OPHN1: variants seen among roughly 807,000 people sequenced by gnomAD.
OPHN1 encodes oligophrenin-1.
In OPHN1, 11 loss-of-function variants were observed where a neutral mutation model predicts 60.7. That is an observed-to-expected ratio of 0.18 (90% CI 0.11 to 0.30). The LOEUF (loss-of-function observed/expected upper bound fraction) is 0.30, where lower values mean the gene tolerates loss of function less well. OPHN1 is among the 10% of genes least tolerant of loss of function. OPHN1 has a pLI of 1.00. For missense variants in OPHN1, 449 were observed against 611.0 expected (o/e 0.73, Z 2.80); for synonymous variants, 226 against 222.6 (o/e 1.02, Z -0.14).
intron 5 of OPHN1, among the ~76,000 whole-genome samples, chrX:68,239,051 A>C (rs190166066): frequency 9.9e-5 from 11 of 111,277 alleles, no homozygotes; most frequent in African/African-American, 3.3e-4. Context: ...TGAATGATGG[A>C]AATAGCTCTC....
chrX:68,194,138 A>G (rs2077500923), intron 13 of OPHN1, among the ~76,000 whole-genome samples, 186 bp from the exon 14 acceptor site: 2 of 112,351 alleles, frequency 1.8e-5, no homozygotes, highest in African/African-American at 6.5e-5. Context: ...CTTATAACAC[A>G]AAATACTTAT....
intron 15 of OPHN1, among the ~76,000 whole-genome samples, chrX:68,186,209 A>G (rs1179087160): frequency 9.0e-6 from 1 of 111,510 alleles, no homozygotes; most frequent in Non-Finnish European, 1.9e-5. Context: ...TCACTGTTAC[A>G]TCCCTACCAC....
intron 19 of OPHN1, among the ~76,000 whole-genome samples, chrX:68,093,918 T>G (rs926544520): frequency 5.4e-5 from 6 of 111,138 alleles, no homozygotes; most frequent in African/African-American, 2.0e-4. Context: ...TTAATTTTGA[T>G]GAAGTCAATT....
intron 5 of OPHN1, among the ~76,000 whole-genome samples, chrX:68,262,743 C>T (rs898020829): frequency 4.5e-5 from 5 of 111,602 alleles, no homozygotes; most frequent in African/African-American, 6.5e-5. Context: ...GCTGAGATCA[C>T]GTCATTGCAC....
Position 68,045,992 on chromosome X carries a change from A to C in OPHN1, c.*1180T>G, listed in dbSNP as rs1275128096. 9.0e-6 allele frequency: 1 copy of C among 111,583 alleles called. No homozygotes were observed. The highest frequency in any genetic ancestry group is 1.9e-5 in the Non-Finnish European group (1 of 53,138). The allele number at this position is 111,583 out of a possible 1,213,427, so 9.2% of individuals were successfully genotyped here. A position where few individuals can be genotyped will look rare whatever the true frequency, so the allele number is the denominator to read the frequency against. ...TGGAAACTGGGCAGTTGTTAGACTA[A>C]ATGATTTTGAAAAGCCCTTCCAATC... is the stretch of plus-strand genomic sequence containing the variant. On this transcript the variant is annotated 3_prime_UTR_variant, in exon 25 of 25. Transcript: ENST00000355520.
chrX:68,385,372 T>C (rs2078619238), intron 2 of OPHN1, among the ~76,000 whole-genome samples: 1 of 111,767 alleles, frequency 8.9e-6, no homozygotes, highest in Non-Finnish European at 1.9e-5. Context: ...AATGAAGAAC[T>C]ATCCTGTCCA....
chrX:68,125,580 G>T (rs186319325), intron 15 of OPHN1, among the ~76,000 whole-genome samples: 1 of 109,872 alleles, frequency 9.1e-6, no homozygotes, highest in African/African-American at 3.3e-5. Flanking sequence ...TGGAAAACTA[G>T]AAGAAATTGA....
chrX:68,145,726 A>AT (rs746594755), intron 15 of OPHN1, among the ~76,000 whole-genome samples: 26 of 111,922 alleles, frequency 2.3e-4, no homozygotes, highest in Non-Finnish European at 4.7e-4. Context: ...CCATAAATGC[A>AT]TTTTTTAGCA....
intron 4 of OPHN1, among the ~76,000 whole-genome samples, chrX:68,275,296 G>A (rs112781259): frequency 1.7e-4 from 19 of 111,824 alleles, no homozygotes; most frequent in Middle Eastern, 4.6e-3. Flanking sequence ...TTACAGCATC[G>A]CAGAAAACAC....
rs1450359309 is a variant in OPHN1, at chrX:68,128,576, G to C, written c.1277-9244C>G. Reference sequence around the variant, plus strand: ...AATAAAAGTATTACACACACAAAAAGACTTCCGTAAATGAAAAACAAAATT... The same window carrying C: ...AATAAAAGTATTACACACACAAAAACACTTCCGTAAATGAAAAACAAAATT... On this transcript the variant is annotated intron_variant, in intron 15 of 24. Transcript: ENST00000355520. Among the ~76,000 whole-genome samples the C allele has an allele frequency of 4.5e-5, 5 of 111,498 alleles. No homozygotes were observed. In the East Asian group the frequency reaches 1.4e-3, roughly 31 times the overall value.
intron 2 of OPHN1, among the ~76,000 whole-genome samples, chrX:68,307,871 C>T (rs1326155540): frequency 9.0e-6 from 1 of 111,717 alleles, no homozygotes; most frequent in African/African-American, 3.3e-5. Flanking sequence ...AATTCTAAAG[C>T]AGATTACACA....
chrX:68,173,299 C>T (rs5965510), intron 15 of OPHN1, among the ~76,000 whole-genome samples: 38,299 of 110,224 alleles, frequency 0.35, 5,465 homozygotes, highest in African/African-American at 0.52. Context: ...CATTATTTCA[C>T]CTGTTTTTGT....
chrX:68,116,077 T>C (rs2077126059), intron 16 of OPHN1, among the ~76,000 whole-genome samples: 1 of 111,898 alleles, frequency 8.9e-6, no homozygotes, highest in African/African-American at 3.3e-5. Flanking sequence ...GAAAGGAATG[T>C]TCAGGTTAAG....
rs868804093 is a variant in OPHN1, at chrX:68,055,957, G to A, written c.2159-2147C>T. Among the ~76,000 whole-genome samples, 23 of 111,147 alleles carry A rather than the reference G, an allele frequency of 2.1e-4. 1 individual carries two copies. The highest frequency in any genetic ancestry group is 7.2e-4 in the African/African-American group (22 of 30,450). On this transcript the variant is annotated intron_variant, in intron 21 of 24. Coordinates refer to ENST00000355520, the MANE Select transcript of OPHN1 (RefSeq NM_002547.3). The stretch of plus-strand genomic sequence containing the variant: ...ATCACACACCAGGACCTGTCATGGG[G>A]TGGGAGGAGCGGGGAGGGATAGCAT...
At chrX:68,112,334 G>T (rs1602164376) in intron 17 of OPHN1, 1 of 139,562 alleles carries the variant, frequency 7.2e-6, no homozygotes, top group Non-Finnish European at 1.4e-5. Context: ...AGAGAAGACT[G>T]TCTCAGAGGG....
chrX:68,158,344 T>C (rs750899486), intron 15 of OPHN1, among the ~76,000 whole-genome samples: 43 of 112,012 alleles, frequency 3.8e-4, no homozygotes, highest in African/African-American at 1.4e-3. Flanking sequence ...TAAGCAACTG[T>C]GTATCAAACA....
intron 2 of OPHN1, among the ~76,000 whole-genome samples, chrX:68,396,986 A>G (rs2078688115): frequency 9.1e-6 from 1 of 110,400 alleles, no homozygotes; most frequent in Non-Finnish European, 1.9e-5. Context: ...AGAAACTGCA[A>G]TTACCTGGGT....
chrX:68,374,275 G>T (rs6625302), intron 2 of OPHN1, among the ~76,000 whole-genome samples: 17,514 of 106,477 alleles, frequency 0.16, 1,661 homozygotes, highest in African/African-American at 0.34. Context: ...AGAATGGCTT[G>T]AACCTGGGAG....
intron 6 of OPHN1, among the ~76,000 whole-genome samples, chrX:68,230,770 G>C (rs1399820387): frequency 1.4e-4 from 11 of 76,065 alleles, no homozygotes; most frequent in African/African-American, 5.4e-4. Flanking sequence ...GACGTGGGGT[G>C]GGGGGAGGGG....
Sources: gnomAD v4.1 joint callset for allele counts (sites outside exome capture counted in the v4.1 genomes callset) on GRCh38, gnomAD v4.1.1 for gene constraint, MANE v1.5 for transcripts, NCBI Gene and HGNC (gene_info 2026-07-23, HGNC 2026-07-21) for gene names.